AGAP3: variants seen among roughly 807,000 people sequenced by gnomAD.
AGAP3 encodes the protein arf-GAP with GTPase, ANK repeat and PH domain-containing protein 3.
Under a neutral mutation model 96.9 loss-of-function variants are expected in AGAP3, and 24 were observed. That is an observed-to-expected ratio of 0.25 (90% CI 0.18 to 0.35). The LOEUF (loss-of-function observed/expected upper bound fraction) is 0.35. Ranked by LOEUF, AGAP3 falls within the 10% of genes least tolerant of loss-of-function variation. The probability of loss-of-function intolerance (pLI) is 1.00; values close to 1 mark genes in which losing one functional copy is unlikely to be tolerated. For synonymous variants in AGAP3, 563 were observed against 536.1 expected, an observed-to-expected ratio of 1.05 and a Z score of -0.69; for missense variants, 876 against 1,254.2, an observed-to-expected ratio of 0.70 and a Z score of 4.55.
rs948674725 is a variant in AGAP3, at chr7:151,104,365, A to G, written c.332-12428A>G. ...TTACATTTCTGGGTCATAAAGCAGG[A>G]GGACCTCTTGCAGTGCACATGTGCC... On this transcript the variant is annotated intron_variant, in intron 1 of 17. Transcript: ENST00000397238. 2.6e-5 allele frequency among the ~76,000 whole-genome samples: 4 copies of G among 152,182 alleles called. No individual in the cohort carries two copies. In the East Asian group the frequency reaches 5.8e-4, roughly 22 times the overall value.
intron 9 of AGAP3, among the ~76,000 whole-genome samples, chr7:151,126,277 CCTGACTGTCGGAGAAACCGCG>C (rs1311403176): frequency 6.7e-6 from 1 of 148,832 alleles, no homozygotes; most frequent in African/African-American, 2.4e-5. Context: ...CCCTTCCCGC[CCTGACTGTCGGAGAAACCGCG>C]CGCAGTGCAG....
rs946985669 is a variant in AGAP3 at position 151,096,633 on chromosome 7, C to T, written c.331+9561C>T. ...GACTACAGGTGCCCACCACCACGCC[C>T]GGCTTATTTTTTGTATTTTTAGTAG... is the stretch of plus-strand genomic sequence containing the variant. On this transcript the variant is annotated intron_variant, in intron 1 of 17. Coordinates refer to ENST00000397238, the MANE Select transcript of AGAP3 (RefSeq NM_031946.7). The surrounding 1 kb of genome is among the most constrained non-coding windows in gnomAD (Gnocchi z 4.4). Among the ~76,000 whole-genome samples the T allele has an allele frequency of 4.0e-5, 6 of 151,872 alleles. No homozygotes were observed. The highest frequency in any genetic ancestry group is 9.7e-5 in the African/African-American group (4 of 41,394).
At position 151,118,262 on chromosome 7, in the gene AGAP3, G is replaced by A; in HGVS notation, c.759G>A (p.Lys253=). The change falls in exon 6 of 18, where the codon AAG becomes AAA. Residue 253 remains lysine (K), a synonymous_variant. Coordinates refer to ENST00000397238, the MANE Select transcript of AGAP3 (RefSeq NM_031946.7). This position sits in a 1 kb window ranked among gnomAD's most constrained non-coding sequence, Gnocchi z 6.1. ...PRVIDDSRAR[K]LSTDLKRCTY... is the part of the protein sequence containing the mutation. Reference sequence around the variant, plus strand: ...TTATCGACGACAGCAGAGCCCGCAAGCTCTCCACAGATCTGAAGCGGTGCA... The same window carrying A: ...TTATCGACGACAGCAGAGCCCGCAAACTCTCCACAGATCTGAAGCGGTGCA... The A allele has an allele frequency of 1.2e-6, 2 of 1,613,412 alleles. No homozygotes were observed. The highest frequency in any genetic ancestry group is 1.7e-6 in the Non-Finnish European group (2 of 1,179,378).
At position 151,116,862 on chromosome 7, in the gene AGAP3, C is replaced by A; in HGVS notation, c.390+11C>A. 1 of 1,613,758 alleles carries A rather than the reference C, an allele frequency of 6.2e-7. No homozygotes were observed. The highest frequency in any genetic ancestry group is 8.5e-7 in the Non-Finnish European group (1 of 1,179,886). ...CCGGAGCTTAAAGTGGTGAGTGTGG[C>A]CCATGGGCAGCACCGGCGGCCTGGA... On this transcript the variant is annotated intron_variant, in intron 2 of 17. Coordinates refer to ENST00000397238, the MANE Select transcript of AGAP3 (RefSeq NM_031946.7).
Position 151,142,001 on chromosome 7 carries a change from G to A in AGAP3, c.1908G>A (p.Val636=). 1 of 1,614,070 alleles carries A rather than the reference G, an allele frequency of 6.2e-7. No individual in the cohort carries two copies. Among genetic ancestry groups the A allele is most frequent in the Non-Finnish European group, 8.5e-7 (1 of 1,179,960 alleles). ...AGCGGGAGCTGTGGGTTCAGAGTGT[G>A]CAGGCCCAGATCCTTGCCAGCCTGC... ...AEERELWVQS[V]QAQILASLQG... Residue 636 remains valine, a synonymous_variant, in exon 14 of 18, where the codon GTG becomes GTA. Transcript: ENST00000397238. This position sits in a 1 kb window ranked among gnomAD's most constrained non-coding sequence, Gnocchi z 7.5.
At chr7:151,129,045 G>A (rs1800297040) in intron 10 of AGAP3, among the ~76,000 whole-genome samples, 1 of 152,052 alleles carries the variant, frequency 6.6e-6, no homozygotes, top group East Asian at 1.9e-4. Context: ...GGATGGTGGA[G>A]GACCAGGGCT....
At chr7:151,095,949 A>G (rs960914602) in intron 1 of AGAP3, among the ~76,000 whole-genome samples, 5 of 152,032 alleles carry the variant, frequency 3.3e-5, no homozygotes, top group Admixed American at 1.3e-4. Context: ...TGGGCTCTGG[A>G]GCCAGGCTGC....
upstream of AGAP3, among the ~76,000 whole-genome samples, chr7:151,086,384 G>C (rs1439201980): frequency 9.9e-5 from 13 of 131,760 alleles, no homozygotes; most frequent in African/African-American, 2.5e-4. Context: ...GGGGAGGGGG[G>C]CTCGGGCTGC....
At position 151,123,808 on chromosome 7, in the gene AGAP3, T is replaced by C. The variant is rs1482597537; in HGVS notation, c.1143T>C (p.Ala381=). ...TTCTCTTCCAGTCTCGGAAGGGTGC[T>C]GACCTGGACCGGGAGAAGAAGGCTG... ...RSNIFTSRKG[A]DLDREKKAAE... Residue 381 remains alanine, a synonymous_variant, in exon 9 of 18, where the codon GCT becomes GCC. Transcript: ENST00000397238. The C allele has an allele frequency of 1.9e-6, 3 of 1,613,088 alleles. No individual in the cohort carries two copies. Among genetic ancestry groups the C allele is most frequent in the Admixed American group, 1.7e-5 (1 of 60,010 alleles).
At chr7:151,124,023 C>T (rs1291299664) in intron 9 of AGAP3, 137 bp downstream of exon 9, 3 of 882,590 alleles carry the variant, frequency 3.4e-6, no homozygotes, top group Non-Finnish European at 5.1e-6. Flanking sequence ...AGGCGGAGTC[C>T]TTAACAAGGG....
chr7:151,133,801 C>T lies in AGAP3; in HGVS notation c.1327-599C>T, dbSNP rs115300446. Among the ~76,000 whole-genome samples, 305 of 152,268 alleles carry T rather than the reference C, an allele frequency of 2.0e-3. No individual in the cohort carries two copies. Among genetic ancestry groups the T allele is most frequent in the African/African-American group, 6.7e-3 (278 of 41,542 alleles). ...ACGCGACAGGCAGATGACATGACGG[C>T]GATGACGATGACTGCCGCCAGGGAA... On this transcript the variant is annotated intron_variant, in intron 10 of 17. Transcript: ENST00000397238. This position sits in a 1 kb window ranked among gnomAD's most constrained non-coding sequence, Gnocchi z 5.4.
In AGAP3 at chr7:151,116,339, C is replaced by T. The variant is rs189956939; in HGVS notation, c.332-454C>T. ...CCCGGCTCAGGAATGTGGTGGGTGG[C>T]CCCACCCTGCCAGGGTGCGCTGTTC... On this transcript the variant is annotated intron_variant, in intron 1 of 17. Transcript: ENST00000397238. The T allele has an allele frequency of 7.1e-4, 115 of 162,106 alleles. 1 individual carries two copies. In the East Asian group the frequency reaches 0.018, roughly 25 times the overall value. The allele number at this position is 162,106 out of a possible 1,614,324, so 10.0% of individuals were successfully genotyped here. A position where few individuals can be genotyped will look rare whatever the true frequency, so the allele number is the denominator to read the frequency against.
chr7:151,125,204 CGTG>C (rs1379840107), intron 9 of AGAP3, among the ~76,000 whole-genome samples: 1 of 152,194 alleles, frequency 6.6e-6, no homozygotes, highest in East Asian at 1.9e-4. Flanking sequence ...CAAGGGAAGG[CGTG>C]GGCGGTGAGT....
At chr7:151,086,000 G>T, upstream of AGAP3, 1 of 152,574 alleles carries the variant, frequency 6.6e-6, no homozygotes, top group Non-Finnish European at 1.5e-5. Context: ...CGCACTGAAG[G>T]CGGGACGCTG....
chr7:151,122,890 G>T, intron 8 of AGAP3: 4 of 1,540,386 alleles, frequency 2.6e-6, no homozygotes, highest in Non-Finnish European at 3.5e-6. Context: ...CGGCCGCCGA[G>T]CTCCCCACTC....
chr7:151,109,193 A>G (rs1004730836), intron 1 of AGAP3, among the ~76,000 whole-genome samples: 1 of 151,284 alleles, frequency 6.6e-6, no homozygotes, highest in Non-Finnish European at 1.5e-5. Flanking sequence ...AAAAACAAAA[A>G]ACAAAGAAAA....
At position 151,117,643 on chromosome 7, in the gene AGAP3, C is replaced by T; in HGVS notation, c.572C>T (p.Ala191Val). 1 of 1,614,028 alleles carries T rather than the reference C, an allele frequency of 6.2e-7. No individual in the cohort carries two copies. Among genetic ancestry groups the T allele is most frequent in the Non-Finnish European group, 8.5e-7 (1 of 1,179,924 alleles). Residue 191 changes from alanine (A) to valine (V), a missense_variant, in exon 5 of 18, where the codon GCC (alanine) becomes GTC (valine). By Grantham distance (64) the Ala-to-Val change is moderately conservative. Around this residue, in one of 8 missense-constraint regions of AGAP3, gnomAD observed 131 missense variants for 304.5 expected, o/e 0.43. Transcript: ENST00000397238. The stretch of plus-strand genomic sequence containing the variant: ...TTACTTGCTCTACCCTAGTTTGCTG[C>T]CTGGGTGGATGCAGTGGTGTTTGTG... Reference protein sequence around the residue: ...EGGPPELQFAAWVDAVVFVFS... With the variant: ...EGGPPELQFAVWVDAVVFVFS...
rs571412298 is a variant in AGAP3 at position 151,143,940 on chromosome 7, A to T, written c.2733A>T (p.Leu911=). The T allele has an allele frequency of 5.0e-6, 8 of 1,613,796 alleles. No homozygotes were observed. The highest frequency in any genetic ancestry group is 6.8e-6 in the Non-Finnish European group (8 of 1,179,848). The change falls in exon 18 of 18, where the codon CTA becomes CTT. Residue 911 remains leucine, a synonymous_variant. Transcript: ENST00000397238. The surrounding 1 kb of genome is among the most constrained non-coding windows in gnomAD (Gnocchi z 5.9). ...SAELHRSPSL[L] ...AGCTGCACCGTAGTCCTAGCCTCCT[A>T]TAAGGCCCAGGAAGAGGGCAGAGGG...
In AGAP3 at chr7:151,118,732, A is replaced by C; in HGVS notation, c.969+100A>C. 1 of 1,457,154 alleles carries C rather than the reference A, an allele frequency of 6.9e-7. No individual in the cohort carries two copies. Among genetic ancestry groups the C allele is most frequent in the Non-Finnish European group, 9.4e-7 (1 of 1,067,088 alleles). 90.3% of individuals were successfully genotyped at this position (1,457,154 alleles called of 1,614,324 possible). ...GCTGGCCTCCTGCTCACACCTGTCC[A>C]CCTTCCTCTGGCCTCCCAGCCTTGC... On this transcript the variant is annotated intron_variant, in intron 7 of 17. Transcript: ENST00000397238. This position sits in a 1 kb window ranked among gnomAD's most constrained non-coding sequence, Gnocchi z 6.1.
Sources: gnomAD v4.1 joint callset for allele counts (sites outside exome capture counted in the v4.1 genomes callset) on GRCh38, gnomAD v4.1.1 for gene constraint, gnomAD v4.1.1 regional missense constraint, Gnocchi (gnomAD v3.1) non-coding constraint, MANE v1.5 for transcripts, NCBI Gene and HGNC (gene_info 2026-07-23, HGNC 2026-07-21) for gene names.